Variants in GYG2 observed in about 807,000 individuals in gnomAD.
GYG2 encodes glycogenin-2.
A neutral mutation model predicts 29.4 loss-of-function variants in GYG2; 29 were observed. That is an observed-to-expected ratio of 0.99 (90% CI 0.74 to 1.35). The LOEUF is 1.35. GYG2 is among the 40% of genes most tolerant of loss of function. The pLI, the probability that GYG2 is intolerant of heterozygous loss-of-function variation, is 0.00. For synonymous variants in GYG2, 167 were observed against 172.3 expected (o/e 0.97, Z 0.24); for missense variants, 370 against 385.7 (o/e 0.96, Z 0.34).
chrX:2,856,676 CT>C, intron 6 of GYG2, 52 bp downstream of exon 6: 1 of 1,087,071 alleles, frequency 9.2e-7, no homozygotes, highest in Non-Finnish European at 1.3e-6. Flanking sequence ...ACCGATCCAC[CT>C]TCCCTCCTGG....
rs775627052 is a variant in GYG2 at position 2,861,516 on chromosome X, G to A, written c.838-6G>A. Reference sequence around the variant, plus strand: ...AGACTCACTCCACGTGTGTGTTTTTGTGCAGCTTTGCCACAGTGATGTGGG... The same window carrying A: ...AGACTCACTCCACGTGTGTGTTTTTATGCAGCTTTGCCACAGTGATGTGGG... On this transcript the variant is annotated splice_region_variant and splice_polypyrimidine_tract_variant and intron_variant, in intron 7 of 10. Coordinates refer to ENST00000398806, the MANE Select transcript of GYG2 (RefSeq NM_001079855.2). The A allele has an allele frequency of 6.7e-6, 8 of 1,195,400 alleles. No individual in the cohort carries two copies. In the Admixed American group the frequency reaches 1.7e-4, roughly 26 times the overall value.
At chrX:2,850,772 G>A (rs1246392354) in intron 3 of GYG2, among the ~76,000 whole-genome samples, 2 of 109,239 alleles carry the variant, frequency 1.8e-5, no homozygotes, top group African/African-American at 6.7e-5. Flanking sequence ...ACCCCCCTTT[G>A]ACTGTAATTT....
chrX:2,857,016 T>G (rs778537793), intron 6 of GYG2, among the ~76,000 whole-genome samples: 1 of 108,437 alleles, frequency 9.2e-6, no homozygotes, highest in East Asian at 3.0e-4. Flanking sequence ...TCTATCCATA[T>G]CTATCTATTT....
chrX:2,875,990 T>C, intron 9 of GYG2, 76 bp downstream of exon 9: 1 of 515,202 alleles, frequency 1.9e-6, no homozygotes, highest in African/African-American at 2.4e-5. Context: ...TCTATCCCCA[T>C]TACATACCAG....
At chrX:2,845,811 G>T in intron 3 of GYG2, among the ~76,000 whole-genome samples, 1 of 101,588 alleles carries the variant, frequency 9.8e-6, no homozygotes, top group Non-Finnish European at 2.0e-5. Flanking sequence ...GTATATATAT[G>T]TTCAAATGTA....
At chrX:2,877,985 C>T (rs762315912) in intron 10 of GYG2, 98 of 751,435 alleles carry the variant, frequency 1.3e-4, no homozygotes, top group Non-Finnish European at 1.4e-4. Context: ...GACAGTCACC[C>T]TTGGAGAAAA....
chrX:2,871,896 A>C (rs2088480781), intron 8 of GYG2, among the ~76,000 whole-genome samples: 1 of 111,944 alleles, frequency 8.9e-6, no homozygotes, highest in Middle Eastern at 4.6e-3. Context: ...CACCTCCAGC[A>C]GTAATAACTT....
chrX:2,864,768 T>C (rs948148003), intron 8 of GYG2, among the ~76,000 whole-genome samples: 2 of 109,336 alleles, frequency 1.8e-5, no homozygotes, highest in Admixed American at 9.8e-5. Context: ...TTCTTTCTTT[T>C]TTTTTTTTTG....
At chrX:2,870,212 A>T (rs1171642977) in intron 8 of GYG2, among the ~76,000 whole-genome samples, 2 of 104,152 alleles carry the variant, frequency 1.9e-5, no homozygotes, top group East Asian at 3.0e-4. Context: ...TTATTTATTT[A>T]TTTTTTTGAG....
intron 2 of GYG2, among the ~76,000 whole-genome samples, chrX:2,842,816 A>AT (rs397823825): frequency 0.5 from 47,058 of 94,186 alleles, 10,974 homozygotes; most frequent in Non-Finnish European, 0.64. Flanking sequence ...GCAAGTCGTG[A>AT]TTTTTTTTTT....
Position 2,854,997 on chromosome X carries a change from T to A in GYG2, c.329T>A (p.Leu110Gln). The A allele has an allele frequency of 8.3e-7, 1 of 1,210,086 alleles. No homozygotes were observed. Among genetic ancestry groups the A allele is most frequent in the Non-Finnish European group, 1.1e-6 (1 of 894,545 alleles). Residue 110 changes from leucine (L) to glutamine (Q), a missense_variant, in exon 5 of 11, where the codon CTG becomes CAG. Transcript: ENST00000398806. ...CVFLDADTLV[L>Q]SNVDELFDRG... ...CTGCGTGTTTTGCTTCACCAGGTGC[T>A]GTCCAATGTCGATGAGCTGTTTGAC...
intron 3 of GYG2, among the ~76,000 whole-genome samples, chrX:2,850,128 A>AATAATG (rs200028493): frequency 3.9e-4 from 43 of 109,008 alleles, no homozygotes; most frequent in African/African-American, 1.3e-3. Flanking sequence ...AAATAATAAT[A>AATAATG]ATAATGATAA....
At chrX:2,855,667 T>G (rs1346833955) in intron 5 of GYG2, among the ~76,000 whole-genome samples, 3 of 112,171 alleles carry the variant, frequency 2.7e-5, no homozygotes, top group African/African-American at 9.7e-5. Flanking sequence ...GCGGACAGAT[T>G]GCTTGAGGCG....
intron 7 of GYG2, 58 bp downstream of exon 7, chrX:2,860,123 C>T (rs2088123745): frequency 1.3e-6 from 1 of 773,038 alleles, no homozygotes; most frequent in African/African-American, 2.1e-5. Context: ...ATCCTTGTCA[C>T]CAAGGTCTGG....
intron 8 of GYG2, among the ~76,000 whole-genome samples, chrX:2,866,349 A>G (rs5982904): frequency 0.012 from 1,375 of 111,426 alleles, 25 homozygotes; most frequent in African/African-American, 0.043. Flanking sequence ...TACAAAAATT[A>G]GCTGGGTGTG....
rs1284530504 is a variant in GYG2, at chrX:2,856,752, G to GTATCTATCTATC, written c.614+153_614+164dup. ...ATCTATCTATCATCTATCTATCTAT[G>GTATCTATCTATC]TATCTATCTATCTATCTATCTATCT... On this transcript the variant is annotated intron_variant, in intron 6 of 10. Coordinates refer to ENST00000398806, the MANE Select transcript of GYG2 (RefSeq NM_001079855.2). The GTATCTATCTATC allele has an allele frequency of 4.1e-3, 685 of 166,281 alleles. 8 individuals are homozygous for GTATCTATCTATC. Among genetic ancestry groups the GTATCTATCTATC allele is most frequent in the African/African-American group, 0.022 (600 of 27,601 alleles). The allele number at this position is 166,281 out of a possible 1,213,427, so 13.7% of individuals were successfully genotyped here. A position where few individuals can be genotyped will look rare whatever the true frequency, so the allele number is the denominator to read the frequency against.
intron 2 of GYG2, among the ~76,000 whole-genome samples, chrX:2,834,727 C>G (rs971800203): frequency 8.9e-6 from 1 of 111,910 alleles, no homozygotes; most frequent in Admixed American, 9.5e-5. Flanking sequence ...CCTTCTTTGT[C>G]TTCTGCCTCC....
chrX:2,844,523 C>T (rs766692422), intron 3 of GYG2, among the ~76,000 whole-genome samples: 1 of 84,292 alleles, frequency 1.2e-5, no homozygotes, highest in South Asian at 6.1e-4. Flanking sequence ...TATACGCACA[C>T]GCATGCGTAT....
rs2088722020 is a variant in GYG2, at chrX:2,881,603, T to A, written c.*390T>A. The A allele has an allele frequency of 8.2e-6, 1 of 122,181 alleles. No homozygotes were observed. The highest frequency in any genetic ancestry group is 2.5e-4 in the East Asian group (1 of 4,024). 10.1% of individuals were successfully genotyped at this position (122,181 alleles called of 1,213,427 possible). ...TACCCTATTCAGAATTAAACCTCAC[T>A]GCAAATTTCCTCCCATCACGAAGCT... On this transcript the variant is annotated 3_prime_UTR_variant, in exon 11 of 11. Coordinates refer to ENST00000398806, the MANE Select transcript of GYG2 (RefSeq NM_001079855.2).
Sources: allele counts gnomAD v4.1 joint callset (sites outside exome capture counted in the v4.1 genomes callset), GRCh38; gene constraint gnomAD v4.1.1; transcripts MANE v1.5; gene names NCBI Gene and HGNC (gene_info 2026-07-23, HGNC 2026-07-21).